Variants in AFAP1L1 observed in about 807,000 individuals in gnomAD.
AFAP1L1 encodes actin filament-associated protein 1-like 1.
In AFAP1L1, 77 loss-of-function variants were observed where a neutral mutation model predicts 99.8. The ratio of observed to expected loss-of-function variants is 0.77; its 90% CI spans 0.64 to 0.93. The LOEUF is 0.93. Ranked by LOEUF, AFAP1L1 falls within the 40% of genes least tolerant of loss-of-function variation. The probability of loss-of-function intolerance (pLI) is 0.00; values close to 1 mark genes in which losing one functional copy is unlikely to be tolerated. For missense variants in AFAP1L1, 893 were observed against 996.8 expected (o/e 0.90, Z 1.40); for synonymous variants, 373 against 395.3 (o/e 0.94, Z 0.67).
At chr5:149,322,501 A>G in intron 14 of AFAP1L1, 105 bp from the exon 15 acceptor site, 1 of 719,620 alleles carries the variant, frequency 1.4e-6, no homozygotes, top group Non-Finnish European at 2.2e-6. Context: ...TAAGACCAAG[A>G]TCTCAGAGCA....
At chr5:149,335,843 C>T in intron 18 of AFAP1L1, 121 bp downstream of exon 18, 1 of 1,337,730 alleles carries the variant, frequency 7.5e-7, no homozygotes, top group Non-Finnish European at 1.0e-6. Context: ...TGCATTTATA[C>T]AATGAAACTC....
intron 1 of AFAP1L1, among the ~76,000 whole-genome samples, 194 bp downstream of exon 1, chr5:149,272,178 A>G (rs1755140433): frequency 6.6e-6 from 1 of 152,176 alleles, no homozygotes; most frequent in African/African-American, 2.4e-5. Context: ...GTGCGTGTCA[A>G]CGCCCGTGTC....
chr5:149,319,628 T>C lies in AFAP1L1; in HGVS notation c.1526T>C (p.Val509Ala), dbSNP rs766126525. 4 of 1,613,162 alleles carry C rather than the reference T, an allele frequency of 2.5e-6. No homozygotes were observed. In the African/African-American group the frequency reaches 5.3e-5, roughly 22 times the overall value. The stretch of plus-strand genomic sequence containing the variant: ...GGTCGCTGGCTCGGGCTGCTGCTGG[T>C]GGAGATGGGCTCCAGAGTCACTCCG... ...DMGRWLGLLL[V>A]EMGSRVTPEA... The change falls in exon 13 of 19, where the codon GTG becomes GCG. Residue 509 changes from valine (V) to alanine (A), a missense_variant. Coordinates refer to ENST00000296721, the MANE Select transcript of AFAP1L1 (RefSeq NM_152406.4).
At chr5:149,329,377 CCAGT>C (rs1163597576) in intron 15 of AFAP1L1, among the ~76,000 whole-genome samples, 2 of 152,154 alleles carry the variant, frequency 1.3e-5, no homozygotes, top group Non-Finnish European at 2.9e-5. Context: ...TGTCACACTA[CCAGT>C]CACTTTTGCC....
chr5:149,329,735 A>G lies in AFAP1L1; in HGVS notation c.1880A>G (p.Glu627Gly), dbSNP rs1757198968. ...EDARRYLVEKEKLEKEKETIR... is the reference protein window; with the variant it reads ...EDARRYLVEKGKLEKEKETIR... ...GCCCGGAGGTACTTGGTAGAAAAAG[A>G]GAAGCTGGAGAAAGAGAAAGAGACG... The change falls in exon 16 of 19, where the codon GAG becomes GGG. Residue 627 changes from glutamate (E) to glycine (G), a missense_variant. Transcript: ENST00000296721. 6.2e-7 allele frequency: 1 copy of G among 1,614,134 alleles called. No homozygotes were observed.
intron 11 of AFAP1L1, among the ~76,000 whole-genome samples, chr5:149,317,328 T>A (rs1280949162): frequency 6.6e-6 from 1 of 152,154 alleles, no homozygotes; most frequent in African/African-American, 2.4e-5. Flanking sequence ...CTTGGTCAAT[T>A]TTAAGATTAT....
intron 12 of AFAP1L1, among the ~76,000 whole-genome samples, chr5:149,318,799 A>G (rs1756870203): frequency 6.6e-6 from 1 of 152,230 alleles, no homozygotes; most frequent in Non-Finnish European, 1.5e-5. Context: ...ACAGATAAGG[A>G]AACTGAGGCC....
At chr5:149,279,209 GAA>G (rs1755437625) in intron 1 of AFAP1L1, among the ~76,000 whole-genome samples, 1 of 152,220 alleles carries the variant, frequency 6.6e-6, no homozygotes, top group Non-Finnish European at 1.5e-5. Context: ...AGAGGTAATA[GAA>G]AGTTTCTACA....
At chr5:149,332,376 A>G (rs1308548638) in intron 16 of AFAP1L1, among the ~76,000 whole-genome samples, 1 of 149,040 alleles carries the variant, frequency 6.7e-6, no homozygotes, top group Non-Finnish European at 1.5e-5. Flanking sequence ...ACCCTGGGCG[A>G]CAGAGCGAGA....
At chr5:149,303,917 G>A (rs569022294) in intron 5 of AFAP1L1, among the ~76,000 whole-genome samples, 1 of 152,278 alleles carries the variant, frequency 6.6e-6, no homozygotes, top group Admixed American at 6.5e-5. Context: ...TCCAGCAAGT[G>A]GCATTTAGTA....
At chr5:149,322,838 A>AAATACTCTACCGTAAG (rs1756993029) in intron 15 of AFAP1L1, 121 bp downstream of exon 15, 4 of 753,006 alleles carry the variant, frequency 5.3e-6, no homozygotes, top group Non-Finnish European at 6.5e-6. Flanking sequence ...AGATGCAAGA[A>AAATACTCTACCGTAAG]AATACTCTAC....
intron 18 of AFAP1L1, among the ~76,000 whole-genome samples, chr5:149,337,675 C>T (rs964694551): frequency 6.6e-6 from 1 of 152,110 alleles, no homozygotes; most frequent in Non-Finnish European, 1.5e-5. Context: ...AAGGAACTTC[C>T]AAGCCAGTGA....
intron 14 of AFAP1L1, among the ~76,000 whole-genome samples, chr5:149,321,216 G>A (rs187585172): frequency 2.0e-5 from 3 of 152,256 alleles, no homozygotes; most frequent in African/African-American, 7.2e-5. Context: ...TCATCCTTCT[G>A]TTCATATGGT....
At chr5:149,275,893 C>T (rs732764) in intron 1 of AFAP1L1, among the ~76,000 whole-genome samples, 12,076 of 152,246 alleles carry the variant, frequency 0.079, 646 homozygotes, top group Middle Eastern at 0.23. Flanking sequence ...TCCATAAAGA[C>T]CCTGTCTCCA....
intron 1 of AFAP1L1, among the ~76,000 whole-genome samples, chr5:149,279,101 C>A (rs1561658166): frequency 6.6e-6 from 1 of 152,164 alleles, no homozygotes; most frequent in Non-Finnish European, 1.5e-5. Context: ...GCAACTCAAC[C>A]ACATGAGAAG....
intron 8 of AFAP1L1, among the ~76,000 whole-genome samples, chr5:149,311,016 G>A (rs1217203869): frequency 1.3e-5 from 2 of 152,184 alleles, no homozygotes; most frequent in African/African-American, 2.4e-5. Flanking sequence ...GTGAGTGTGT[G>A]GTAACTGTCA....
chr5:149,285,736 C>T (rs138948542), intron 1 of AFAP1L1, among the ~76,000 whole-genome samples: 81 of 152,300 alleles, frequency 5.3e-4, no homozygotes, highest in African/African-American at 1.9e-3. Context: ...ACTGTCACTC[C>T]TGATCCATGT....
intron 1 of AFAP1L1, among the ~76,000 whole-genome samples, chr5:149,281,032 T>C (rs1293188719): frequency 1.3e-5 from 2 of 152,200 alleles, no homozygotes; most frequent in Non-Finnish European, 2.9e-5. Context: ...GTTATCTTCA[T>C]TTCAGCTTAG....
intron 15 of AFAP1L1, among the ~76,000 whole-genome samples, chr5:149,328,146 T>C (rs1354963721): frequency 6.6e-6 from 1 of 152,214 alleles, no homozygotes; most frequent in Non-Finnish European, 1.5e-5. Flanking sequence ...GCTGTATTTA[T>C]GATCAGGCTT....
Sources: gnomAD v4.1 joint callset for allele counts (sites outside exome capture counted in the v4.1 genomes callset) on GRCh38, gnomAD v4.1.1 for gene constraint, MANE v1.5 for transcripts, NCBI Gene and HGNC (gene_info 2026-07-23, HGNC 2026-07-21) for gene names.